The following ZBTB43 variants were observed in gnomAD, a reference collection of about 807,000 sequenced individuals.
The protein encoded by ZBTB43 is zinc finger and BTB domain-containing protein 43.
A neutral mutation model predicts 31.1 loss-of-function variants in ZBTB43; 6 were observed. The observed-to-expected ratio is 0.19, with a 90% CI of 0.11 to 0.38. ZBTB43 has a LOEUF of 0.38. ZBTB43 is among the 10% of genes least tolerant of loss of function. ZBTB43 has a pLI of 1.00. For missense variants in ZBTB43, 379 were observed against 602.1 expected (o/e 0.63, Z 3.88); for synonymous variants, 212 against 221.7 (o/e 0.96, Z 0.39).
chr9:126,812,476 C>G (rs2032271368), intron 2 of ZBTB43, among the ~76,000 whole-genome samples: 1 of 152,128 alleles, frequency 6.6e-6, no homozygotes, highest in African/African-American at 2.4e-5. Context: ...GTTTAACTCC[C>G]TGAGGTGCTG....
chr9:126,809,179 T>C (rs764280556), intron 2 of ZBTB43, among the ~76,000 whole-genome samples: 5 of 152,218 alleles, frequency 3.3e-5, no homozygotes, highest in Non-Finnish European at 7.3e-5. Context: ...TTTGGAGTTA[T>C]ACTGCTGTTT....
In ZBTB43 at chr9:126,828,319, G is replaced by A. The variant is rs191627335; in HGVS notation, c.-23-4168G>A. On this transcript the variant is annotated intron_variant, in intron 2 of 2. Transcript: ENST00000373464. Reference sequence around the variant, plus strand: ...CTGCCTCAGCCTCCCAAGTAACTGGGACTACAGGCACCCACCACCGCGCCT... The same window carrying A: ...CTGCCTCAGCCTCCCAAGTAACTGGAACTACAGGCACCCACCACCGCGCCT... 8.5e-3 allele frequency among the ~76,000 whole-genome samples: 1,283 copies of A among 151,792 alleles called. 15 individuals carry two copies. The highest frequency in any genetic ancestry group is 0.03 in the African/African-American group (1,246 of 41,398).
intron 2 of ZBTB43, among the ~76,000 whole-genome samples, chr9:126,827,777 GC>G: frequency 6.6e-6 from 1 of 152,260 alleles, no homozygotes; most frequent in African/African-American, 2.4e-5. Flanking sequence ...GGAGACTGAG[GC>G]GGGCGGATCA....
intron 2 of ZBTB43, among the ~76,000 whole-genome samples, chr9:126,825,991 CTCAT>C: frequency 6.7e-6 from 1 of 150,070 alleles, no homozygotes; most frequent in Non-Finnish European, 1.5e-5. Flanking sequence ...GGACTACAGG[CTCAT>C]GACACCATGC....
chr9:126,831,676 G>C (rs1441554878), intron 2 of ZBTB43: 1 of 152,062 alleles, frequency 6.6e-6, no homozygotes, highest in Non-Finnish European at 1.5e-5. Flanking sequence ...CTGGGCAGCT[G>C]GCGTGGTGGC....
chr9:126,817,751 C>T (rs1367028456), intron 2 of ZBTB43, among the ~76,000 whole-genome samples: 5 of 152,192 alleles, frequency 3.3e-5, no homozygotes, highest in African/African-American at 1.2e-4. Flanking sequence ...GCTGGGATTG[C>T]AGGCGTGAGC....
chr9:126,824,463 G>C (rs1026625464), intron 2 of ZBTB43, among the ~76,000 whole-genome samples: 2 of 152,214 alleles, frequency 1.3e-5, no homozygotes, highest in African/African-American at 4.8e-5. Flanking sequence ...AAGTCTACAG[G>C]TAGTGAACAT....
At position 126,837,328 on chromosome 9, in the gene ZBTB43, G is replaced by A. The variant is rs1037169103; in HGVS notation, c.*3415G>A. 6.0e-6 allele frequency: 1 copy of A among 167,048 alleles called. No homozygotes were observed. Among genetic ancestry groups the A allele is most frequent in the African/African-American group, 2.4e-5 (1 of 41,442 alleles). 10.3% of individuals were successfully genotyped at this position (167,048 alleles called of 1,614,324 possible). A position where few individuals can be genotyped will look rare whatever the true frequency, so the allele number is the denominator to read the frequency against. Reference sequence around the variant, plus strand: ...GTCCCTTTTGGCCACTACTTTAAAAGCTTGCCCAAAGGGATCCCCTCCATT... The same window carrying A: ...GTCCCTTTTGGCCACTACTTTAAAAACTTGCCCAAAGGGATCCCCTCCATT... On this transcript the variant is annotated 3_prime_UTR_variant, in exon 3 of 3. Coordinates refer to ENST00000373464, the MANE Select transcript of ZBTB43 (RefSeq NM_014007.4).
chr9:126,812,975 C>CTT (rs773159172), intron 2 of ZBTB43, among the ~76,000 whole-genome samples: 13 of 143,718 alleles, frequency 9.0e-5, no homozygotes, highest in African/African-American at 3.1e-4. Context: ...CCCACTGTTA[C>CTT]TTTTTTTTTT....
At chr9:126,806,898 TC>T (rs1239966833) in intron 1 of ZBTB43, among the ~76,000 whole-genome samples, 1 of 152,206 alleles carries the variant, frequency 6.6e-6, no homozygotes, top group African/African-American at 2.4e-5. Context: ...CCTCTGCCTT[TC>T]TTGGAATCAG....
In ZBTB43 at chr9:126,833,893, A is replaced by C; in HGVS notation, c.1384A>C (p.Asn462His). The part of the protein sequence containing the change: ...KSYEAAKAEQ[N>H]TTEAN The stretch of plus-strand genomic sequence containing the variant: ...CTACGAAGCTGCAAAGGCTGAGCAG[A>C]ATACAACTGAGGCTAACTAAAAATA... Residue 462 changes from asparagine (N) to histidine (H), a missense_variant, in exon 3 of 3, where the codon AAT becomes CAT. Transcript: ENST00000373464. This position sits in a 1 kb window ranked among gnomAD's most constrained non-coding sequence, Gnocchi z 7.9. The C allele has an allele frequency of 1.9e-6, 3 of 1,583,702 alleles. No homozygotes were observed. Among genetic ancestry groups the C allele is most frequent in the Non-Finnish European group, 2.6e-6 (3 of 1,155,852 alleles).
chr9:126,812,940 T>G (rs1208809594), intron 2 of ZBTB43, among the ~76,000 whole-genome samples: 3 of 152,070 alleles, frequency 2.0e-5, no homozygotes, highest in Non-Finnish European at 4.4e-5. Flanking sequence ...TCTGTCAGTC[T>G]CATCAATGCC....
chr9:126,826,871 G>A (rs916567848), intron 2 of ZBTB43, among the ~76,000 whole-genome samples: 3 of 152,148 alleles, frequency 2.0e-5, no homozygotes, highest in African/African-American at 4.8e-5. Context: ...TAAAACAGTG[G>A]ATTTAACCTC....
At chr9:126,815,179 G>A (rs1396103764) in intron 2 of ZBTB43, among the ~76,000 whole-genome samples, 5 of 148,142 alleles carry the variant, frequency 3.4e-5, no homozygotes, top group Non-Finnish European at 6.0e-5. Flanking sequence ...GTGTATGTGT[G>A]TATTGTTTAT....
At chr9:126,832,370 G>T (rs1055905787) in intron 2 of ZBTB43, 117 bp from the exon 3 acceptor site, 8 of 947,782 alleles carry the variant, frequency 8.4e-6, no homozygotes, top group African/African-American at 5.0e-5. Flanking sequence ...TTACCCAGTG[G>T]GGCCCATAGG....
At chr9:126,832,373 C>A in intron 2 of ZBTB43, 114 bp from the exon 3 acceptor site, 1 of 980,118 alleles carries the variant, frequency 1.0e-6, no homozygotes, top group Middle Eastern at 3.2e-4. Context: ...CCCAGTGGGG[C>A]CCATAGGCTA....
At position 126,835,217 on chromosome 9, in the gene ZBTB43, C is replaced by G. The variant is rs1249917054; in HGVS notation, c.*1304C>G. 1.2e-5 allele frequency: 2 copies of G among 165,870 alleles called. No individual in the cohort carries two copies. The highest frequency in any genetic ancestry group is 2.4e-5 in the African/African-American group (1 of 41,092). The allele number at this position is 165,870 out of a possible 1,614,324, so 10.3% of individuals were successfully genotyped here. ...TAAAAGTCCACAAAGCTACGCCGAC[C>G]AGAAAAAAAAAATTAAAAAAACAAA... On this transcript the variant is annotated 3_prime_UTR_variant, in exon 3 of 3. Coordinates refer to ENST00000373464, the MANE Select transcript of ZBTB43 (RefSeq NM_014007.4).
intron 2 of ZBTB43, among the ~76,000 whole-genome samples, chr9:126,816,742 G>T (rs1202597964): frequency 6.6e-6 from 1 of 152,174 alleles, no homozygotes; most frequent in African/African-American, 2.4e-5. Context: ...GCCCTCTCAG[G>T]GGAGCTTGAG....
chr9:126,817,555 A>T (rs1473310223), intron 2 of ZBTB43, among the ~76,000 whole-genome samples: 1 of 150,554 alleles, frequency 6.6e-6, no homozygotes, highest in Admixed American at 6.6e-5. Flanking sequence ...GGCTCCCTGC[A>T]AGCTCCGCCT....
Sources: allele counts gnomAD v4.1 joint callset (sites outside exome capture counted in the v4.1 genomes callset), GRCh38; gene constraint gnomAD v4.1.1; non-coding constraint Gnocchi (gnomAD v3.1); transcripts MANE v1.5; gene names NCBI Gene and HGNC (gene_info 2026-07-23, HGNC 2026-07-21).